TCOF1: variants seen among roughly 807,000 people sequenced by gnomAD.
TCOF1 encodes treacle protein.
A neutral mutation model predicts 149.0 loss-of-function variants in TCOF1; 33 were observed. The ratio of observed to expected loss-of-function variants is 0.22; its 90% confidence interval spans 0.17 to 0.30. TCOF1 has a LOEUF of 0.30. Ranked by LOEUF, TCOF1 falls within the 10% of genes least tolerant of loss-of-function variation. The probability of loss-of-function intolerance (pLI) is 1.00; values close to 1 mark genes in which losing one functional copy is unlikely to be tolerated. For synonymous variants in TCOF1, 789 were observed against 738.8 expected, an observed-to-expected ratio of 1.07 and a Z score of -1.10; for missense variants, 1,728 against 1,840.7, an observed-to-expected ratio of 0.94 and a Z score of 1.12.
intron 6 of TCOF1, 48 bp from the exon 7 acceptor site, chr5:150,371,958 G>A (rs1207754197): frequency 1.9e-6 from 3 of 1,551,006 alleles, no homozygotes; most frequent in Non-Finnish European, 2.7e-6. Context: ...AACCTTAGGG[G>A]GAAACAGTAA....
chr5:150,391,447 C>T (rs1454666135), intron 19 of TCOF1, 97 bp from the exon 20 acceptor site: 2 of 1,100,042 alleles, frequency 1.8e-6, no homozygotes, highest in African/African-American at 3.1e-5. Flanking sequence ...GTCCCTGCTC[C>T]AGCCCTCACC....
At chr5:150,383,974 A>G (rs1346917324) in intron 17 of TCOF1, 11 of 1,429,174 alleles carry the variant, frequency 7.7e-6, no homozygotes, top group Non-Finnish European at 1.0e-5. Flanking sequence ...AGACAGCATT[A>G]CCCTTTGTCC....
At chr5:150,358,118 C>T (rs1759078460) in intron 1 of TCOF1, among the ~76,000 whole-genome samples, 1 of 152,332 alleles carries the variant, frequency 6.6e-6, no homozygotes, top group East Asian at 1.9e-4. Flanking sequence ...GTAATTCCCG[C>T]TTCCCTTACC....
At chr5:150,391,082 G>C (rs550400812) in intron 19 of TCOF1, among the ~76,000 whole-genome samples, 1 of 152,132 alleles carries the variant, frequency 6.6e-6, no homozygotes, top group Non-Finnish European at 1.5e-5. Context: ...CCAGGTCTTC[G>C]GGGGAAGCGC....
At chr5:150,379,175 G>GGACCTGA in intron 15 of TCOF1, 54 bp from the exon 16 acceptor site, 2 of 1,614,078 alleles carry the variant, frequency 1.2e-6, no homozygotes, top group East Asian at 4.5e-5. Flanking sequence ...GTGGGGAGTG[G>GGACCTGA]GACCTGAAAG....
intron 15 of TCOF1, 45 bp from the exon 16 acceptor site, chr5:150,379,184 A>G (rs1263063839): frequency 6.2e-7 from 1 of 1,614,148 alleles, no homozygotes; most frequent in South Asian, 1.1e-5. Context: ...GGGACCTGAA[A>G]GGAATCACTT....
intron 18 of TCOF1, among the ~76,000 whole-genome samples, chr5:150,389,524 C>T (rs764518573): frequency 6.6e-6 from 1 of 152,176 alleles, no homozygotes; most frequent in Non-Finnish European, 1.5e-5. Flanking sequence ...TGTAACCAGG[C>T]CTCTGCAGAT....
At chr5:150,375,578 C>G in intron 11 of TCOF1, 24 bp downstream of exon 11, 1 of 1,613,696 alleles carries the variant, frequency 6.2e-7, no homozygotes, top group Non-Finnish European at 8.5e-7. Flanking sequence ...CTGTAAGGCT[C>G]TTTCTTTTTC....
At chr5:150,385,073 T>A in intron 17 of TCOF1, 5 of 985,408 alleles carry the variant, frequency 5.1e-6, no homozygotes, top group Non-Finnish European at 6.0e-6. Flanking sequence ...AAGTAGGTGA[T>A]ACATATGTTA....
At chr5:150,394,731 A>C (rs147520713) in intron 23 of TCOF1, 2 of 152,192 alleles carry the variant, frequency 1.3e-5, no homozygotes, top group African/African-American at 4.8e-5. Context: ...AGCCTGGCCA[A>C]CATGGTGAAA....
At chr5:150,357,961 G>C (rs1268041815) in intron 1 of TCOF1, 107 bp downstream of exon 1, 1 of 1,186,092 alleles carries the variant, frequency 8.4e-7, no homozygotes. Flanking sequence ...CCGGAGCCGG[G>C]TCCCGCAGTG....
Position 150,392,674 on chromosome 5 carries a change from G to A in TCOF1, c.3518-31G>A, listed in dbSNP as rs78716239. ...CTTCCCGGCTGGCAGGGGCCACCTG[G>A]GGCTACCAACAGGATACTGTGCTTC... On this transcript the variant is annotated intron_variant, in intron 21 of 26. Transcript: ENST00000643257. 0.075 allele frequency: 120,558 copies of A among 1,612,138 alleles called. 4,946 individuals carry two copies. Among genetic ancestry groups the A allele is most frequent in the African/African-American group, 0.14 (10,710 of 74,960 alleles).
At chr5:150,390,139 G>A (rs1767113064) in intron 19 of TCOF1, 116 bp downstream of exon 19, 8 of 1,493,086 alleles carry the variant, frequency 5.4e-6, no homozygotes, top group Non-Finnish European at 6.3e-6. Context: ...ACACTCCAGA[G>A]GTCGTGGCCT....
intron 23 of TCOF1, chr5:150,394,386 T>C (rs555312207): frequency 6.6e-5 from 10 of 152,614 alleles, no homozygotes; most frequent in African/African-American, 2.4e-4. Flanking sequence ...TGGACCTCTG[T>C]GTCTTAACCA....
rs1764356507 is a variant in TCOF1 at position 150,378,697 on chromosome 5, AC to A, written c.2341-205del. The A allele has an allele frequency of 7.9e-6, 5 of 635,324 alleles. No individual in the cohort carries two copies. The East Asian group carries it at 1.4e-4, about 17-fold the overall frequency. 39.4% of individuals were successfully genotyped at this position (635,324 alleles called of 1,614,324 possible). A position where few individuals can be genotyped will look rare whatever the true frequency, so the allele number is the denominator to read the frequency against. On this transcript the variant is annotated intron_variant, in intron 14 of 26. Transcript: ENST00000643257. ...AATCTCCTATTTAGTCTTCATCATA[AC>A]CCGTAGGTGGGCCTTATTATTATCT...
intron 1 of TCOF1, among the ~76,000 whole-genome samples, chr5:150,359,362 G>T (rs954526676): frequency 2.0e-5 from 3 of 151,224 alleles, no homozygotes; most frequent in African/African-American, 7.3e-5. Context: ...AAAAAAAAAC[G>T]TCCATAGTGG....
At chr5:150,372,484 G>A (rs1417087388) in intron 7 of TCOF1, among the ~76,000 whole-genome samples, 1 of 152,236 alleles carries the variant, frequency 6.6e-6, no homozygotes, top group Non-Finnish European at 1.5e-5. Flanking sequence ...CCTGCTGTGA[G>A]GGACTTGAGA....
chr5:150,379,072 T>C, intron 15 of TCOF1, 30 bp downstream of exon 15: 1 of 1,613,496 alleles, frequency 6.2e-7, no homozygotes, highest in South Asian at 1.1e-5. Flanking sequence ...ACAGGAGGTG[T>C]GGAGGGTTGG....
chr5:150,396,926 C>A, intron 24 of TCOF1, 84 bp downstream of exon 24: 1 of 1,460,150 alleles, frequency 6.8e-7, no homozygotes, highest in South Asian at 1.2e-5. Context: ...AGCACCTGGT[C>A]TCATTCCTCC....
Sources: allele counts gnomAD v4.1 joint callset (sites outside exome capture counted in the v4.1 genomes callset), GRCh38; gene constraint gnomAD v4.1.1; transcripts MANE v1.5; gene names NCBI Gene and HGNC (gene_info 2026-07-23, HGNC 2026-07-21).